The following MICAL2 variants were observed in gnomAD, a reference collection of about 807,000 sequenced individuals.
MICAL2 encodes [F-actin]-monooxygenase MICAL2.
A neutral mutation model predicts 127.3 loss-of-function variants in MICAL2; 77 were observed. The ratio of observed to expected loss-of-function variants is 0.60; its 90% CI spans 0.50 to 0.73. MICAL2 has a LOEUF of 0.73. MICAL2 is among the 30% of genes least tolerant of loss of function. MICAL2 has a pLI of 0.00. For synonymous variants in MICAL2, 570 were observed against 551.1 expected (o/e 1.03, Z -0.48); for missense variants, 1,351 against 1,434.4 (o/e 0.94, Z 0.94).
At position 12,173,478 on chromosome 11, in the gene MICAL2, G is replaced by C. The variant is rs114498411; in HGVS notation, c.264+11059G>C. Among the ~76,000 whole-genome samples, 804 of 152,284 alleles carry C rather than the reference G, an allele frequency of 5.3e-3. 12 individuals carry two copies. Among genetic ancestry groups the C allele is most frequent in the Middle Eastern group, 0.017 (5 of 294 alleles). On this transcript the variant is annotated intron_variant, in intron 3 of 27. Coordinates refer to ENST00000683283, the MANE Select transcript of MICAL2 (RefSeq NM_001282663.2). ...CTCCTCTCTAGCTTTAAGAGAATGA[G>C]CTCTTGCATTTACTCTTTGCCCCTG...
At chr11:12,262,313 C>T (rs1045929974) in intron 26 of MICAL2, 167 bp from the exon 27 acceptor site, 41 of 1,471,508 alleles carry the variant, frequency 2.8e-5, no homozygotes, top group Admixed American at 2.4e-5. Flanking sequence ...AGGTTCATCT[C>T]TCCTAAGCAA....
intron 1 of MICAL2, among the ~76,000 whole-genome samples, chr11:12,279,231 T>G (rs1229784910): frequency 6.6e-6 from 1 of 152,024 alleles, no homozygotes; most frequent in African/African-American, 2.4e-5. Flanking sequence ...GAGAGCCCAG[T>G]CGGATATGTA....
At chr11:12,144,895 G>T (rs1047788250) in intron 2 of MICAL2, among the ~76,000 whole-genome samples, 3 of 152,178 alleles carry the variant, frequency 2.0e-5, no homozygotes, top group African/African-American at 7.2e-5. Context: ...CATCTGGGGA[G>T]AAGTTCCCGA....
intron 15 of MICAL2, among the ~76,000 whole-genome samples, chr11:12,231,298 C>T (rs1762202320): frequency 6.6e-6 from 1 of 152,218 alleles, no homozygotes; most frequent in Non-Finnish European, 1.5e-5. Flanking sequence ...AGAGCTCATC[C>T]CAGAAGCCAG....
chr11:12,272,279 A>G (rs929271768), upstream of MICAL2, among the ~76,000 whole-genome samples: 2 of 152,094 alleles, frequency 1.3e-5, no homozygotes, highest in African/African-American at 4.8e-5. Flanking sequence ...CCTCATCCCC[A>G]AGCCCAGTCA....
intron 1 of MICAL2, among the ~76,000 whole-genome samples, chr11:12,134,390 C>T (rs1851671935): frequency 6.6e-6 from 1 of 152,168 alleles, no homozygotes; most frequent in Non-Finnish European, 1.5e-5. Context: ...GGGCATGGCT[C>T]CGGGGCTGGG....
downstream of MICAL2, chr11:12,294,704 G>T: frequency 6.2e-7 from 1 of 1,614,040 alleles, no homozygotes; most frequent in Non-Finnish European, 8.5e-7. Context: ...GGACCTCTTT[G>T]GCAGCCCCAA....
chr11:12,252,071 T>G (rs1034036601), intron 22 of MICAL2, among the ~76,000 whole-genome samples: 2 of 152,088 alleles, frequency 1.3e-5, no homozygotes, highest in African/African-American at 4.8e-5. Flanking sequence ...GGGCAGGCAG[T>G]GCTGAGAATA....
At chr11:12,275,480 G>A (rs1286754344), upstream of MICAL2, among the ~76,000 whole-genome samples, 1 of 152,178 alleles carries the variant, frequency 6.6e-6, no homozygotes, top group Non-Finnish European at 1.5e-5. Flanking sequence ...GGAGAAGGTG[G>A]AGCCAGGAGA....
Position 12,209,531 on chromosome 11 carries a change from C to T in MICAL2, c.624C>T (p.Asp208=), listed in dbSNP as rs563097888. 1 of 1,614,154 alleles carries T rather than the reference C, an allele frequency of 6.2e-7. No homozygotes were observed. The highest frequency in any genetic ancestry group is 2.2e-5 in the East Asian group (1 of 44,886). ...IGWRAEFLPT[D]HSLSEFEFDV... is the part of the protein sequence containing the mutation. ...GGCGGGCAGAATTTCTCCCTACAGACCATTCTCTGTCGGAGTTTGAGTTTG... is the reference window on the plus strand; with the variant it reads ...GGCGGGCAGAATTTCTCCCTACAGATCATTCTCTGTCGGAGTTTGAGTTTG... The change falls in exon 6 of 28, where the codon GAC becomes GAT. Residue 208 remains aspartate (D), a synonymous_variant. Transcript: ENST00000683283.
At chr11:12,344,836 C>T (rs1028402499) in intron 32 of MICAL2, among the ~76,000 whole-genome samples, 7 of 146,330 alleles carry the variant, frequency 4.8e-5, no homozygotes, top group Admixed American at 4.1e-4. Flanking sequence ...GGACCAGGTG[C>T]GGTGGCTCAC....
intron 3 of MICAL2, among the ~76,000 whole-genome samples, chr11:12,164,981 C>CA (rs956949944): frequency 3.6e-4 from 55 of 151,348 alleles, no homozygotes; most frequent in African/African-American, 1.3e-3. Context: ...CTAAAAAATA[C>CA]AAAAAAAATT....
chr11:12,231,864 C>T (rs1305779542), intron 15 of MICAL2, among the ~76,000 whole-genome samples: 1 of 152,236 alleles, frequency 6.6e-6, no homozygotes, highest in African/African-American at 2.4e-5. Flanking sequence ...GCTACTCTCT[C>T]TCCTTTCCTC....
intron 26 of MICAL2, chr11:12,262,139 A>C (rs888738306): frequency 2.5e-6 from 3 of 1,178,874 alleles, no homozygotes; most frequent in African/African-American, 3.2e-5. Context: ...CAGCACCGAC[A>C]CCCAGGGGTG....
At chr11:12,333,615 A>G (rs1938689951) in intron 32 of MICAL2, among the ~76,000 whole-genome samples, 2 of 152,200 alleles carry the variant, frequency 1.3e-5, no homozygotes, top group African/African-American at 4.8e-5. Flanking sequence ...AGGATTGTCT[A>G]TATGACAAAA....
At chr11:12,266,140 A>G (rs999290158), downstream of MICAL2, among the ~76,000 whole-genome samples, 7 of 152,180 alleles carry the variant, frequency 4.6e-5, no homozygotes, top group African/African-American at 1.7e-4. Context: ...ATTATAGTGC[A>G]TCTACTGAAT....
intron 34 of MICAL2, among the ~76,000 whole-genome samples, chr11:12,355,952 AGGAT>A (rs1278799451): frequency 5.3e-5 from 2 of 37,868 alleles, no homozygotes; most frequent in African/African-American, 1.3e-4. Flanking sequence ...AAACTGAGAG[AGGAT>A]TTTTTTTTTA....
chr11:12,348,809 G>C (rs1248262409), intron 32 of MICAL2, among the ~76,000 whole-genome samples: 1 of 152,194 alleles, frequency 6.6e-6, no homozygotes, highest in African/African-American at 2.4e-5. Flanking sequence ...GTGATGATAA[G>C]TGTATCTACA....
chr11:12,314,796 A>C (rs894842826), intron 29 of MICAL2, among the ~76,000 whole-genome samples: 4 of 151,986 alleles, frequency 2.6e-5, no homozygotes, highest in Admixed American at 2.0e-4. Context: ...AGAAAACTTT[A>C]AACTCCATTT....
Sources: gnomAD v4.1 joint callset for allele counts (sites outside exome capture counted in the v4.1 genomes callset) on GRCh38, gnomAD v4.1.1 for gene constraint, MANE v1.5 for transcripts, NCBI Gene and HGNC (gene_info 2026-07-23, HGNC 2026-07-21) for gene names.